The following TNNT2 variants were observed in gnomAD, a reference collection of about 807,000 sequenced individuals.
The protein encoded by TNNT2 is troponin T2, cardiac type.
Under a neutral mutation model 62.4 loss-of-function variants are expected in TNNT2, and 34 were observed. The ratio of observed to expected loss-of-function variants is 0.54; its 90% confidence interval spans 0.41 to 0.72. The LOEUF is 0.72. Ranked by LOEUF, TNNT2 falls within the 30% of genes least tolerant of loss-of-function variation. The pLI is 0.00. For synonymous variants in TNNT2, 123 were observed against 127.2 expected, an observed-to-expected ratio of 0.97 and a Z score of 0.22; for missense variants, 275 against 381.9, an observed-to-expected ratio of 0.72 and a Z score of 2.33.
chr1:201,369,737 G>T, intron 5 of TNNT2, 79 bp downstream of exon 5: 1 of 1,593,338 alleles, frequency 6.3e-7, no homozygotes, highest in Non-Finnish European at 8.6e-7. Context: ...CCAGCCCCCA[G>T]AACAGGGCCC....
rs1002280667 is a variant in TNNT2 at position 201,365,044 on chromosome 1, A to G, written c.411+147T>C. On this transcript the variant is annotated intron_variant, in intron 10 of 16. Transcript: ENST00000656932. ...GTCAGGGCTGCAGGAGCTGTGCAGA[A>G]TGCTGGAGGGCCTCTGAAGGAGACC... is the stretch of plus-strand genomic sequence containing the variant. The G allele has an allele frequency of 4.6e-5, 36 of 779,802 alleles. No homozygotes were observed. The African/African-American group carries it at 5.4e-4, about 12-fold the overall frequency. 48.3% of individuals were successfully genotyped at this position (779,802 alleles called of 1,614,324 possible). A position where few individuals can be genotyped will look rare whatever the true frequency, so the allele number is the denominator to read the frequency against.
At chr1:201,373,607 A>C (rs1660976436) in intron 1 of TNNT2, 3 of 394,552 alleles carry the variant, frequency 7.6e-6, no homozygotes, top group South Asian at 2.1e-5. Flanking sequence ...ACTCCACAGG[A>C]TCTGTTCAGC....
intron 7 of TNNT2, chr1:201,367,100 G>A (rs1178323438): frequency 2.4e-5 from 16 of 667,518 alleles, no homozygotes; most frequent in Admixed American, 1.2e-4. Context: ...ACACACTCAC[G>A]CAGTGTGGAA....
intron 11 of TNNT2, 33 bp downstream of exon 11, chr1:201,364,265 G>T (rs1376240345): frequency 1.9e-6 from 3 of 1,601,860 alleles, no homozygotes; most frequent in Admixed American, 3.4e-5. Flanking sequence ...GAGCATGGGG[G>T]GCCTCCATGG....
intron 5 of TNNT2, among the ~76,000 whole-genome samples, chr1:201,369,174 T>A (rs1660193218): frequency 6.6e-6 from 1 of 152,034 alleles, no homozygotes; most frequent in Admixed American, 6.5e-5. Context: ...CCATGCAACA[T>A]CCCAAGGATG....
At chr1:201,365,734 G>C in intron 8 of TNNT2, 64 bp from the exon 9 acceptor site, 2 of 1,593,780 alleles carry the variant, frequency 1.3e-6, no homozygotes, top group Non-Finnish European at 1.7e-6. Flanking sequence ...GGGTGTCCAG[G>C]ACAGGCAGGG....
At chr1:201,362,272 C>T in intron 13 of TNNT2, 114 bp downstream of exon 13, 4 of 1,528,068 alleles carry the variant, frequency 2.6e-6, no homozygotes, top group Non-Finnish European at 3.6e-6. Context: ...CAGCTTCCCC[C>T]CTCCCCAGCC....
chr1:201,362,234 TG>T, intron 13 of TNNT2, 151 bp downstream of exon 13: 1 of 1,372,528 alleles, frequency 7.3e-7, no homozygotes, highest in Non-Finnish European at 1.0e-6. Flanking sequence ...CTTCCTTCTT[TG>T]CCTAACTAAT....
At chr1:201,365,118 T>C in intron 10 of TNNT2, 73 bp downstream of exon 10, 3 of 1,297,792 alleles carry the variant, frequency 2.3e-6, no homozygotes, top group Admixed American at 1.7e-5. Flanking sequence ...CTGGAGGAGG[T>C]GGGGCCTCAC....
At chr1:201,372,371 C>T (rs958187427) in intron 2 of TNNT2, among the ~76,000 whole-genome samples, 7 of 152,196 alleles carry the variant, frequency 4.6e-5, no homozygotes, top group Non-Finnish European at 1.0e-4. Context: ...TACCATCCTC[C>T]GCAAGCCTCC....
chr1:201,366,833 C>T lies in TNNT2; in HGVS notation c.233+5G>A, dbSNP rs1296893407. The T allele has an allele frequency of 6.2e-7, 1 of 1,614,046 alleles. No individual in the cohort carries two copies. Among genetic ancestry groups the T allele is most frequent in the Non-Finnish European group, 8.5e-7 (1 of 1,180,032 alleles). On this transcript the variant is annotated splice_donor_5th_base_variant and intron_variant, in intron 8 of 16. Coordinates refer to ENST00000656932, the MANE Select transcript of TNNT2 (RefSeq NM_001276345.2). ...CCGGCTCTACCCAGGTGCCTCCCCA[C>T]TCACCTGGGCTTTGGTTTGGACTCC...
intron 7 of TNNT2, 200 bp from the exon 8 acceptor site, chr1:201,367,071 C>T (rs1346703546): frequency 2.6e-6 from 2 of 768,026 alleles, no homozygotes; most frequent in Non-Finnish European, 4.4e-6. Flanking sequence ...ACTCCCCCTC[C>T]CATAGAGTTC....
chr1:201,366,371 C>T, intron 8 of TNNT2: 2 of 1,034,708 alleles, frequency 1.9e-6, no homozygotes, highest in Non-Finnish European at 1.2e-6. Flanking sequence ...CAGCCCCCCC[C>T]AGCACACACC....
At chr1:201,375,731 C>A (rs1175512557) in intron 1 of TNNT2, among the ~76,000 whole-genome samples, 1 of 152,212 alleles carries the variant, frequency 6.6e-6, no homozygotes, top group South Asian at 2.1e-4. Context: ...GCTTGTCCCT[C>A]AGTGGGAGGG....
At chr1:201,363,563 C>T in intron 11 of TNNT2, 157 bp from the exon 12 acceptor site, 2 of 668,132 alleles carry the variant, frequency 3.0e-6, no homozygotes, top group South Asian at 3.4e-5. Context: ...TGCTGGCCCA[C>T]AGGAGTCCAC....
chr1:201,370,021 C>T (rs951372201), intron 4 of TNNT2, among the ~76,000 whole-genome samples, 176 bp from the exon 5 acceptor site: 18 of 152,186 alleles, frequency 1.2e-4, no homozygotes, highest in African/African-American at 4.3e-4. Flanking sequence ...GGGCAACTCT[C>T]AGTTACTTCC....
chr1:201,361,302 T>C lies in TNNT2; in HGVS notation c.787A>G (p.Lys263Glu). 1 of 1,614,054 alleles carries C rather than the reference T, an allele frequency of 6.2e-7. No individual in the cohort carries two copies. The highest frequency in any genetic ancestry group is 1.1e-5 in the South Asian group (1 of 91,078). ...ACCTCATATTTCTGCTGCTTGAACT[T>C]CTCCTGCAGGTCGAACTTCTCTGCC... ...LEAEKFDLQEKFKQQKYEINV... is the reference protein window; with the variant it reads ...LEAEKFDLQEEFKQQKYEINV... The change falls in exon 15 of 17, where the codon AAG becomes GAG. Residue 263 changes from lysine to glutamate, a missense_variant. Lys to Glu is a moderately conservative substitution (Grantham distance 56). Coordinates refer to ENST00000656932, the MANE Select transcript of TNNT2 (RefSeq NM_001276345.2).
At chr1:201,365,739 GC>G (rs1659551616) in intron 8 of TNNT2, 69 bp from the exon 9 acceptor site, 5 of 1,588,830 alleles carry the variant, frequency 3.1e-6, no homozygotes, top group Non-Finnish European at 4.3e-6. Flanking sequence ...TCCAGGACAG[GC>G]AGGGCCCTGA....
At chr1:201,368,350 A>G (rs1283938266) in intron 5 of TNNT2, 123 bp from the exon 6 acceptor site, 1 of 1,003,092 alleles carries the variant, frequency 1.0e-6, no homozygotes, top group South Asian at 1.4e-5. Context: ...GTCCAGATGA[A>G]TTTGGGGGCA....
Sources: allele counts gnomAD v4.1 joint callset (sites outside exome capture counted in the v4.1 genomes callset), GRCh38; gene constraint gnomAD v4.1.1; transcripts MANE v1.5; gene names NCBI Gene and HGNC (gene_info 2026-07-23, HGNC 2026-07-21).